The following HTR2A variants were observed in gnomAD, a reference collection of about 807,000 sequenced individuals.
HTR2A encodes the protein 5-hydroxytryptamine receptor 2A.
HTR2A carries 14 observed loss-of-function variants against 31.0 expected under a neutral mutation model. The ratio of observed to expected loss-of-function variants is 0.45; its 90% CI spans 0.30 to 0.71. The LOEUF is 0.71. HTR2A is among the 30% of genes least tolerant of loss of function. The pLI is 0.09. For missense variants in HTR2A, 442 were observed against 573.3 expected, an observed-to-expected ratio of 0.77 and a Z score of 2.34; for synonymous variants, 209 against 225.2, an observed-to-expected ratio of 0.93 and a Z score of 0.64.
chr13:46,850,936 C>T (rs1029674461), intron 3 of HTR2A, among the ~76,000 whole-genome samples: 4 of 152,132 alleles, frequency 2.6e-5, no homozygotes, highest in Non-Finnish European at 5.9e-5. Context: ...ATTGGTGTCC[C>T]GTACCTGTGC....
intron 3 of HTR2A, among the ~76,000 whole-genome samples, chr13:46,838,218 T>C (rs1420120330): frequency 6.6e-6 from 1 of 152,246 alleles, no homozygotes; most frequent in Non-Finnish European, 1.5e-5. Flanking sequence ...CAGTTGCTCA[T>C]TGATTAGAAA....
chr13:46,860,150 G>A (rs1406630606), intron 3 of HTR2A, among the ~76,000 whole-genome samples: 2 of 152,168 alleles, frequency 1.3e-5, no homozygotes, highest in African/African-American at 4.8e-5. Flanking sequence ...CTGGCCCAGT[G>A]TGCCCTAGTT....
chr13:46,852,637 A>G (rs1158337657), intron 3 of HTR2A, among the ~76,000 whole-genome samples: 3 of 152,194 alleles, frequency 2.0e-5, no homozygotes, highest in Non-Finnish European at 4.4e-5. Context: ...ATATTTCTTT[A>G]TGTGCTGTTA....
At chr13:46,889,330 G>A (rs1416116543) in intron 3 of HTR2A, among the ~76,000 whole-genome samples, 1 of 152,076 alleles carries the variant, frequency 6.6e-6, no homozygotes, top group Non-Finnish European at 1.5e-5. Context: ...TATAGAAAAT[G>A]TAAATGCAAT....
chr13:46,891,795 C>T (rs183100848), intron 3 of HTR2A, among the ~76,000 whole-genome samples: 10 of 152,134 alleles, frequency 6.6e-5, no homozygotes, highest in South Asian at 2.1e-4. Flanking sequence ...TCAATACTGG[C>T]GAGAGATGAA....
intron 3 of HTR2A, among the ~76,000 whole-genome samples, chr13:46,883,589 T>C (rs1950983746): frequency 6.6e-6 from 1 of 152,184 alleles, no homozygotes; most frequent in Non-Finnish European, 1.5e-5. Context: ...ATAAAGTAGC[T>C]TCTATTTTCT....
intron 3 of HTR2A, among the ~76,000 whole-genome samples, chr13:46,837,555 C>T (rs1033868167): frequency 3.3e-5 from 5 of 152,086 alleles, no homozygotes; most frequent in African/African-American, 7.2e-5. Flanking sequence ...TGCTTCTGAC[C>T]GTCTTTAGAG....
chr13:46,883,213 TC>T (rs1950980644), intron 3 of HTR2A, among the ~76,000 whole-genome samples: 1 of 151,652 alleles, frequency 6.6e-6, no homozygotes, highest in African/African-American at 2.4e-5. Context: ...ATCTGCACTG[TC>T]TAGGAAGGCA....
At chr13:46,846,125 A>G (rs1950641355) in intron 3 of HTR2A, among the ~76,000 whole-genome samples, 2 of 152,192 alleles carry the variant, frequency 1.3e-5, no homozygotes, top group African/African-American at 4.8e-5. Context: ...ATTAGTTTGC[A>G]ATGAGAAAAC....
intron 3 of HTR2A, among the ~76,000 whole-genome samples, chr13:46,890,466 T>A (rs1429930152): frequency 6.6e-6 from 1 of 152,212 alleles, no homozygotes; most frequent in Non-Finnish European, 1.5e-5. Context: ...TTTTGTGCAG[T>A]GGAAAGAGCA....
chr13:46,872,856 G>T (rs1259010002), intron 3 of HTR2A, among the ~76,000 whole-genome samples: 1 of 152,120 alleles, frequency 6.6e-6, no homozygotes, highest in Non-Finnish European at 1.5e-5. Context: ...GATTCTCTGG[G>T]AATGGGCCCT....
At chr13:46,884,820 A>T (rs76115403) in intron 3 of HTR2A, among the ~76,000 whole-genome samples, 2,666 of 119,326 alleles carry the variant, frequency 0.022, 45 homozygotes, top group South Asian at 0.043. Flanking sequence ...TTGTGTGTGT[A>T]TGTATACATA....
intron 2 of HTR2A, among the ~76,000 whole-genome samples, chr13:46,894,217 G>A (rs1271714970): frequency 1.3e-5 from 2 of 152,292 alleles, no homozygotes; most frequent in East Asian, 3.9e-4. Flanking sequence ...GAGGGAACGG[G>A]CTGCTCTCAG....
chr13:46,863,630 G>GAAAAAAAAAAAAAAAAAAAA (rs59693757), intron 3 of HTR2A, among the ~76,000 whole-genome samples: 34 of 59,270 alleles, frequency 5.7e-4, no homozygotes, highest in African/African-American at 6.9e-4. Context: ...CCCTCAAAAT[G>GAAAAAAAAAAAAAAAAAAAA]AAAAAAAAAA....
chr13:46,841,585 A>G (rs1950597593), intron 3 of HTR2A, among the ~76,000 whole-genome samples: 1 of 152,118 alleles, frequency 6.6e-6, no homozygotes, highest in Non-Finnish European at 1.5e-5. Context: ...CATAAACATG[A>G]AAACAACAAC....
intron 3 of HTR2A, among the ~76,000 whole-genome samples, chr13:46,870,654 A>G (rs1263489767): frequency 6.6e-6 from 1 of 152,164 alleles, no homozygotes; most frequent in East Asian, 1.9e-4. Flanking sequence ...TATTGTGCAA[A>G]ATAACTTTGG....
At chr13:46,893,517 A>G (rs1232794202) in intron 2 of HTR2A, among the ~76,000 whole-genome samples, 1 of 152,204 alleles carries the variant, frequency 6.6e-6, no homozygotes, top group African/African-American at 2.4e-5. Context: ...GAAGGTCCTG[A>G]TGCCCATGCC....
upstream of HTR2A, among the ~76,000 whole-genome samples, chr13:46,897,722 G>T (rs112447343): frequency 2.0e-4 from 31 of 152,300 alleles, no homozygotes; most frequent in African/African-American, 7.5e-4. Context: ...TTTTGCTACA[G>T]TTCTATCACC....
rs140585621 is a variant in HTR2A at position 46,885,572 on chromosome 13, C to T, written c.613+6818G>A. Among the ~76,000 whole-genome samples the T allele has an allele frequency of 9.9e-5, 15 of 152,262 alleles. No individual in the cohort carries two copies. The East Asian group carries it at 2.7e-3, about 27-fold the overall frequency. On this transcript the variant is annotated intron_variant, in intron 3 of 3. Transcript: ENST00000542664. The stretch of plus-strand genomic sequence containing the variant: ...CCATTTCTTTCTGAAGAAATTGCTG[C>T]ATTAAAAATCATTACATGTGCTTTT...
Sources: allele counts gnomAD v4.1 joint callset (sites outside exome capture counted in the v4.1 genomes callset), GRCh38; gene constraint gnomAD v4.1.1; transcripts MANE v1.5; gene names NCBI Gene and HGNC (gene_info 2026-07-23, HGNC 2026-07-21).